The following RECK variants were observed in gnomAD, a reference collection of about 807,000 sequenced individuals.
The protein encoded by RECK is reversion-inducing cysteine-rich protein with Kazal motifs.
In RECK, 69 loss-of-function variants were observed where a neutral mutation model predicts 115.1. The ratio of observed to expected loss-of-function variants is 0.60; its 90% CI spans 0.49 to 0.73. RECK has a LOEUF of 0.73. Among genes scored for constraint, RECK ranks in the 30% least tolerant of loss-of-function variants. The pLI is 0.00. For missense variants in RECK, 1,047 were observed against 1,203.7 expected (o/e 0.87, Z 1.93); for synonymous variants, 414 against 419.7 (o/e 0.99, Z 0.17).
chr9:36,092,651 C>T (rs943625839), intron 10 of RECK, among the ~76,000 whole-genome samples: 22 of 151,616 alleles, frequency 1.5e-4, no homozygotes, highest in African/African-American at 4.8e-4. Flanking sequence ...CTCAGCCTCC[C>T]AAAGTGCTAG....
At chr9:36,056,502 C>T (rs1230402291) in intron 2 of RECK, among the ~76,000 whole-genome samples, 1 of 152,038 alleles carries the variant, frequency 6.6e-6, no homozygotes, top group South Asian at 2.1e-4. Context: ...TATTCACATC[C>T]CCCTGGTGTC....
At chr9:36,109,209 G>A (rs1700485312) in intron 14 of RECK, among the ~76,000 whole-genome samples, 1 of 152,134 alleles carries the variant, frequency 6.6e-6, no homozygotes, top group African/African-American at 2.4e-5. Flanking sequence ...GAGCATACTA[G>A]TGCCTTATGG....
At chr9:36,063,684 T>G in intron 4 of RECK, 111 bp from the exon 5 acceptor site, 3 of 931,318 alleles carry the variant, frequency 3.2e-6, no homozygotes, top group Non-Finnish European at 5.0e-6. Context: ...TCTGAACCAG[T>G]TTTCTTATGG....
In RECK at chr9:36,074,647, CTG is replaced by C. The variant is rs1822378522; in HGVS notation, c.406-5957_406-5956del. On this transcript the variant is annotated intron_variant, in intron 6 of 20. Transcript: ENST00000377966. ...AAAATTTTATAGACTTTTTCCCACT[CTG>C]GAGAACAGAATTATTCAAGGTTCTT... 3.3e-5 allele frequency among the ~76,000 whole-genome samples: 5 copies of C among 152,290 alleles called. No individual in the cohort carries two copies. In the South Asian group the frequency reaches 1.0e-3, roughly 32 times the overall value.
chr9:36,060,166 A>G lies in RECK; in HGVS notation c.271+11A>G, dbSNP rs368394581. The G allele has an allele frequency of 1.9e-6, 3 of 1,612,626 alleles. No homozygotes were observed. Among genetic ancestry groups the G allele is most frequent in the African/African-American group, 1.3e-5 (1 of 75,044 alleles). ...ATTCATCTTTGCCAGGTAAGCAATA[A>G]AAGTGTAACATTTAGCACTTAATTT... On this transcript the variant is annotated intron_variant, in intron 4 of 20. Transcript: ENST00000377966.
chr9:36,081,001 TGG>T lies in RECK; in HGVS notation c.439+365_439+366del, dbSNP rs556715127. On this transcript the variant is annotated intron_variant, in intron 7 of 20. Coordinates refer to ENST00000377966, the MANE Select transcript of RECK (RefSeq NM_021111.3). ...GACACGACCTGTACACAAAGAATGC[TGG>T]GATATGGTAGGATATGAGATAGTGT... 1.2e-4 allele frequency among the ~76,000 whole-genome samples: 18 copies of T among 152,280 alleles called. No individual in the cohort carries two copies. In the East Asian group the frequency reaches 3.5e-3, roughly 29 times the overall value.
At chr9:36,080,724 G>A in intron 7 of RECK, 86 bp downstream of exon 7, 2 of 1,200,822 alleles carry the variant, frequency 1.7e-6, no homozygotes, top group Non-Finnish European at 2.4e-6. Context: ...ATTCCGATAG[G>A]CTCTTTCCCA....
chr9:36,121,091 A>G (rs955581322), intron 19 of RECK, among the ~76,000 whole-genome samples: 1 of 152,068 alleles, frequency 6.6e-6, no homozygotes, highest in Admixed American at 6.6e-5. Flanking sequence ...CTCCCCTCAC[A>G]CCAGTCCCCG....
intron 6 of RECK, among the ~76,000 whole-genome samples, chr9:36,078,106 C>T (rs1822527032): frequency 6.6e-6 from 1 of 152,234 alleles, no homozygotes; most frequent in Admixed American, 6.5e-5. Flanking sequence ...GCATGTCTGT[C>T]TTCCAATAAA....
chr9:36,061,757 A>T (rs1371873704), intron 4 of RECK, among the ~76,000 whole-genome samples: 1 of 152,208 alleles, frequency 6.6e-6, no homozygotes, highest in East Asian at 1.9e-4. Context: ...ATGAGGCTAG[A>T]TGTGAATTTG....
chr9:36,088,079 T>C, intron 9 of RECK, 118 bp downstream of exon 9: 1 of 713,602 alleles, frequency 1.4e-6, no homozygotes, highest in Admixed American at 2.8e-5. Flanking sequence ...ATTTAGAAAA[T>C]ATAAAATATT....
At chr9:36,066,308 A>T (rs757514634) in intron 6 of RECK, among the ~76,000 whole-genome samples, 13 of 152,174 alleles carry the variant, frequency 8.5e-5, no homozygotes, top group Non-Finnish European at 4.4e-5. Flanking sequence ...CTTAAATGTG[A>T]CAATATTACA....
At chr9:36,045,451 GT>G (rs1476742295) in intron 1 of RECK, among the ~76,000 whole-genome samples, 6 of 151,812 alleles carry the variant, frequency 4.0e-5, no homozygotes, top group South Asian at 2.1e-4. Context: ...CTCAGATTTA[GT>G]TTTTTTCTCC....
At chr9:36,108,607 C>T (rs1823911284) in intron 14 of RECK, among the ~76,000 whole-genome samples, 2 of 152,202 alleles carry the variant, frequency 1.3e-5, no homozygotes, top group Admixed American at 1.3e-4. Context: ...AGGCCAAGGA[C>T]ACAGGTAATC....
At chr9:36,090,818 A>G (rs192741721) in intron 9 of RECK, among the ~76,000 whole-genome samples, 10 of 152,318 alleles carry the variant, frequency 6.6e-5, no homozygotes, top group African/African-American at 2.2e-4. Flanking sequence ...AGGCAAAACC[A>G]TGTACTTTAA....
At chr9:36,060,951 C>G (rs1051854015) in intron 4 of RECK, among the ~76,000 whole-genome samples, 1 of 152,172 alleles carries the variant, frequency 6.6e-6, no homozygotes, top group African/African-American at 2.4e-5. Context: ...TTATATTTTA[C>G]TCCTTGTTCT....
At chr9:36,069,326 C>T (rs967169620) in intron 6 of RECK, among the ~76,000 whole-genome samples, 4 of 151,538 alleles carry the variant, frequency 2.6e-5, no homozygotes, top group East Asian at 3.9e-4. Flanking sequence ...GATCACCTGA[C>T]GTCAGGAGTT....
chr9:36,063,134 CA>C (rs921312353), intron 4 of RECK, among the ~76,000 whole-genome samples: 4 of 148,600 alleles, frequency 2.7e-5, no homozygotes, highest in African/African-American at 4.9e-5. Flanking sequence ...GACTCCATCT[CA>C]AAAAAAAAAT....
At chr9:36,088,747 G>A (rs1298726208) in intron 9 of RECK, among the ~76,000 whole-genome samples, 4 of 152,220 alleles carry the variant, frequency 2.6e-5, no homozygotes, top group African/African-American at 4.8e-5. Flanking sequence ...GGTCGGGCGC[G>A]GTGGCTCATG....
Sources: allele counts gnomAD v4.1 joint callset (sites outside exome capture counted in the v4.1 genomes callset), GRCh38; gene constraint gnomAD v4.1.1; transcripts MANE v1.5; gene names NCBI Gene and HGNC (gene_info 2026-07-23, HGNC 2026-07-21).